The following RDH12 variants were observed in gnomAD, a reference collection of about 807,000 sequenced individuals.
The protein encoded by RDH12 is retinol dehydrogenase 12, also known as all-trans and 9-cis retinol dehydrogenase.
In RDH12, 21 loss-of-function variants were observed where a neutral mutation model predicts 34.0. The ratio of observed to expected loss-of-function variants is 0.62; its 90% confidence interval spans 0.44 to 0.89. The LOEUF is 0.89. Ranked by LOEUF, RDH12 falls within the 40% of genes least tolerant of loss-of-function variation. RDH12 has a pLI of 0.00. For missense variants in RDH12, 394 were observed against 398.6 expected (o/e 0.99, Z 0.10); for synonymous variants, 198 against 169.9 (o/e 1.17, Z -1.29).
chr14:67,709,402 C>T (rs138533260), intron 1 of RDH12, among the ~76,000 whole-genome samples: 5 of 152,238 alleles, frequency 3.3e-5, no homozygotes, highest in Non-Finnish European at 7.4e-5. Flanking sequence ...TAATCTTGAC[C>T]ATAAGATATA....
At chr14:67,729,545 T>C in intron 8 of RDH12, 165 bp downstream of exon 8, 6 of 707,164 alleles carry the variant, frequency 8.5e-6, no homozygotes, top group Non-Finnish European at 1.5e-5. Flanking sequence ...AAACTTACAG[T>C]ACAAACTTAT....
intron 8 of RDH12, among the ~76,000 whole-genome samples, chr14:67,730,121 G>A (rs2038250479): frequency 6.6e-6 from 1 of 152,188 alleles, no homozygotes; most frequent in South Asian, 2.1e-4. Context: ...TGTGTAATGT[G>A]TATTAATTCA....
chr14:67,725,717 G>C (rs1371299147), intron 5 of RDH12, among the ~76,000 whole-genome samples: 1 of 152,222 alleles, frequency 6.6e-6, no homozygotes, highest in Non-Finnish European at 1.5e-5. Context: ...GCCCAGCAGA[G>C]TGCACCTGGC....
At chr14:67,722,758 C>A in intron 3 of RDH12, 48 bp downstream of exon 3, 1 of 1,461,380 alleles carries the variant, frequency 6.8e-7, no homozygotes, top group Non-Finnish European at 9.6e-7. Context: ...AAGACCTGCA[C>A]TGGAAGCCGG....
intron 8 of RDH12, among the ~76,000 whole-genome samples, chr14:67,730,593 A>G (rs1404154694): frequency 2.0e-5 from 3 of 152,202 alleles, no homozygotes; most frequent in Non-Finnish European, 4.4e-5. Context: ...AAAATCCTAA[A>G]TACTTCTGAT....
chr14:67,709,071 G>A (rs1294491164), intron 1 of RDH12, among the ~76,000 whole-genome samples: 2 of 152,182 alleles, frequency 1.3e-5, no homozygotes, highest in African/African-American at 4.8e-5. Flanking sequence ...GATTACAGGT[G>A]TGAGCCACTG....
At chr14:67,710,795 T>C (rs1047361332) in intron 1 of RDH12, among the ~76,000 whole-genome samples, 2 of 152,030 alleles carry the variant, frequency 1.3e-5, no homozygotes, top group Non-Finnish European at 2.9e-5. Context: ...TAATGAAATA[T>C]CTATTATCTA....
intron 1 of RDH12, among the ~76,000 whole-genome samples, chr14:67,706,678 A>C (rs1396692191): frequency 3.3e-5 from 5 of 152,232 alleles, no homozygotes; most frequent in Non-Finnish European, 7.3e-5. Context: ...AATGGGAAGC[A>C]GGTTTGCCCT....
Position 67,725,206 on chromosome 14 carries a change from C to A in RDH12, c.295C>A (p.Leu99Ile), listed in dbSNP as rs28940315. 41 of 1,614,048 alleles carry A rather than the reference C, an allele frequency of 2.5e-5. No homozygotes were observed. In the Admixed American group the frequency reaches 2.7e-4, roughly 10 times the overall value. The change falls in exon 5 of 9, where the codon CTA becomes ATA. Residue 99 changes from leucine (L) to isoleucine (I), a missense_variant. Leu to Ile is a conservative substitution (Grantham distance 5). Transcript: ENST00000551171. ...CCAGGTGCTGGTGCGGAAATTGGAC[C>A]TATCCGACACCAAATCTATCCGAGC... ...NSQVLVRKLD[L>I]SDTKSIRAFA... is the part of the protein sequence containing the mutation.
intron 1 of RDH12, among the ~76,000 whole-genome samples, chr14:67,718,330 A>G (rs529903204): frequency 1.3e-5 from 2 of 152,338 alleles, no homozygotes; most frequent in East Asian, 1.9e-4. Flanking sequence ...GAGAAAGAGA[A>G]GTTTACAGTT....
chr14:67,732,294 C>T (rs1478488713), intron 8 of RDH12, among the ~76,000 whole-genome samples: 1 of 151,312 alleles, frequency 6.6e-6, no homozygotes, highest in South Asian at 2.1e-4. Context: ...AAAAATTAGC[C>T]CAGCATTGTG....
rs751674066 is a variant in RDH12 at position 67,724,569 on chromosome 14, G to A, written c.165G>A (p.Thr55=). The change falls in exon 4 of 9, where the codon ACG becomes ACA. Residue 55 remains threonine, a synonymous_variant. Transcript: ENST00000551171. ...TGANTGIGKE[T]ARELASRGAR... is the part of the protein sequence containing the mutation. ...CCAACACGGGCATTGGCAAGGAGAC[G>A]GCCAGAGAGCTCGCTAGCCGAGGTA... 1.3e-5 allele frequency: 21 copies of A among 1,613,496 alleles called. No homozygotes were observed. The highest frequency in any genetic ancestry group is 1.8e-5 in the Non-Finnish European group (21 of 1,179,656).
chr14:67,713,563 G>A (rs1453686440), intron 1 of RDH12, among the ~76,000 whole-genome samples: 4 of 152,110 alleles, frequency 2.6e-5, no homozygotes, highest in South Asian at 2.1e-4. Context: ...CTGGTACCAG[G>A]CACTGATAGG....
intron 4 of RDH12, 97 bp from the exon 5 acceptor site, chr14:67,725,002 G>GA: frequency 7.4e-7 from 1 of 1,358,672 alleles, no homozygotes; most frequent in Admixed American, 1.7e-5. Flanking sequence ...ATGGCTGGGA[G>GA]AATGAATGCT....
In RDH12 at chr14:67,733,961, C is replaced by T. The variant is rs1442832749; in HGVS notation, c.*113C>T. 3 of 732,056 alleles carry T rather than the reference C, an allele frequency of 4.1e-6. No individual in the cohort carries two copies. Among genetic ancestry groups the T allele is most frequent in the Non-Finnish European group, 7.2e-6 (3 of 414,006 alleles). 45.3% of individuals were successfully genotyped at this position (732,056 alleles called of 1,614,324 possible). ...TCTTGGCCAGCTGGTGCTGCGAATCCTGCCTGCTCTGATCCTCTTGACCCT... is the reference window on the plus strand; with the variant it reads ...TCTTGGCCAGCTGGTGCTGCGAATCTTGCCTGCTCTGATCCTCTTGACCCT... On this transcript the variant is annotated 3_prime_UTR_variant, in exon 9 of 9. Coordinates refer to ENST00000551171, the MANE Select transcript of RDH12 (RefSeq NM_152443.3).
chr14:67,728,703 T>TTGG (rs146484340), intron 7 of RDH12, among the ~76,000 whole-genome samples: 6 of 142,244 alleles, frequency 4.2e-5, no homozygotes, highest in African/African-American at 1.6e-4. Flanking sequence ...GGATATCTTG[T>TTGG]GGGGGGGGGG....
Position 67,722,398 on chromosome 14 carries a change from CCTTGACT to C in RDH12, c.-219-24_-219-18del. On this transcript the variant is annotated intron_variant, in intron 2 of 8. Transcript: ENST00000551171. ...CCAGTAAACCTAAGTAAGCTTCAAACCTTGACTCCATCCCCTCCCCACCAGGACTACA... is the reference window on the plus strand; with the variant it reads ...CCAGTAAACCTAAGTAAGCTTCAAACCCATCCCCTCCCCACCAGGACTACA... The C allele has an allele frequency of 1.7e-6, 1 of 589,356 alleles. No individual in the cohort carries two copies. 36.5% of individuals were successfully genotyped at this position (589,356 alleles called of 1,614,324 possible).
intron 1 of RDH12, among the ~76,000 whole-genome samples, chr14:67,707,164 G>A (rs571530673): frequency 6.6e-6 from 1 of 152,152 alleles, no homozygotes; most frequent in South Asian, 2.1e-4. Context: ...TCCAAATTAG[G>A]AAAAATGGGG....
At chr14:67,733,101 C>T (rs1195504558) in intron 8 of RDH12, among the ~76,000 whole-genome samples, 4 of 150,796 alleles carry the variant, frequency 2.7e-5, no homozygotes, top group Admixed American at 2.0e-4. Flanking sequence ...TGCACATGTA[C>T]CCTAAAACTT....
Sources: allele counts gnomAD v4.1 joint callset (sites outside exome capture counted in the v4.1 genomes callset), GRCh38; gene constraint gnomAD v4.1.1; transcripts MANE v1.5; gene names NCBI Gene and HGNC (gene_info 2026-07-23, HGNC 2026-07-21).